JAKMIP3: variants seen among roughly 807,000 people sequenced by gnomAD.
JAKMIP3 encodes the protein janus kinase and microtubule-interacting protein 3.
Under a neutral mutation model 118.5 loss-of-function variants are expected in JAKMIP3, and 58 were observed. The observed-to-expected ratio is 0.49, with a 90% CI of 0.40 to 0.61. The LOEUF (loss-of-function observed/expected upper bound fraction) is 0.61, where lower values mean the gene tolerates loss of function less well. Ranked by LOEUF, JAKMIP3 falls within the 20% of genes least tolerant of loss-of-function variation. The probability of loss-of-function intolerance (pLI) is 0.00; values close to 1 mark genes in which losing one functional copy is unlikely to be tolerated. For synonymous variants in JAKMIP3, 486 were observed against 451.2 expected (o/e 1.08, Z -0.98); for missense variants, 950 against 1,109.0 (o/e 0.86, Z 2.04).
intron 2 of JAKMIP3, among the ~76,000 whole-genome samples, chr10:132,109,879 T>C (rs1416003385): frequency 6.6e-6 from 1 of 152,226 alleles, no homozygotes; most frequent in Non-Finnish European, 1.5e-5. Context: ...TGCATAAGTC[T>C]TGGCCAAGCA....
chr10:132,106,357 T>TAAA (rs531394271), intron 2 of JAKMIP3, among the ~76,000 whole-genome samples: 1 of 126,330 alleles, frequency 7.9e-6, no homozygotes, highest in African/African-American at 3.0e-5. Context: ...AAAAATGATT[T>TAAA]AAAAAAAAAA....
At chr10:132,138,226 C>T (rs778499485) in intron 9 of JAKMIP3, 48 bp downstream of exon 9, 38 of 1,513,012 alleles carry the variant, frequency 2.5e-5, no homozygotes, top group African/African-American at 5.6e-5. Flanking sequence ...CGGGTGTGTG[C>T]GGAGAGGACC....
chr10:132,115,043 G>A (rs372928893), intron 2 of JAKMIP3, among the ~76,000 whole-genome samples: 6 of 152,122 alleles, frequency 3.9e-5, no homozygotes, highest in African/African-American at 9.7e-5. Flanking sequence ...TGCTGTGATC[G>A]GGCGAGGGTG....
At chr10:132,122,434 G>A (rs1246231042) in intron 3 of JAKMIP3, among the ~76,000 whole-genome samples, 1 of 152,274 alleles carries the variant, frequency 6.6e-6, no homozygotes, top group Non-Finnish European at 1.5e-5. Context: ...CATCTCAGGA[G>A]CCCACTGGGC....
rs917398092 is a variant in JAKMIP3 at position 132,183,522 on chromosome 10, C to T, written c.*2269C>T. ...AGTTCTGTAATAATAATAAGGCAAACTATACGGCAAAGAGAAGCATGTAAA... is the reference window on the plus strand; with the variant it reads ...AGTTCTGTAATAATAATAAGGCAAATTATACGGCAAAGAGAAGCATGTAAA... On this transcript the variant is annotated 3_prime_UTR_variant, in exon 24 of 24. Coordinates refer to ENST00000684848, the MANE Select transcript of JAKMIP3 (RefSeq NM_001323087.2). The T allele has an allele frequency of 3.3e-5, 5 of 152,156 alleles. No individual in the cohort carries two copies. Among genetic ancestry groups the T allele is most frequent in the Non-Finnish European group, 5.9e-5 (4 of 68,026 alleles). 9.4% of individuals were successfully genotyped at this position (152,156 alleles called of 1,614,324 possible). A position where few individuals can be genotyped will look rare whatever the true frequency, so the allele number is the denominator to read the frequency against.
At position 132,075,691 on chromosome 10, in the gene JAKMIP3, C is replaced by T. The variant is rs558344759; in HGVS notation, c.-138+9630C>T. Among the ~76,000 whole-genome samples, 25 of 152,304 alleles carry T rather than the reference C, an allele frequency of 1.6e-4. No individual in the cohort carries two copies. In the South Asian group the frequency reaches 5.2e-3, roughly 32 times the overall value. The stretch of plus-strand genomic sequence containing the variant: ...TCCCAAAGTGCTCATGCCTGTAATA[C>T]ACCACGCCCTGCCTCAGATACTTCT... On this transcript the variant is annotated intron_variant, in intron 1 of 23. Coordinates refer to ENST00000684848, the MANE Select transcript of JAKMIP3 (RefSeq NM_001323087.2).
At chr10:132,061,524 TG>T (rs1234161432), upstream of JAKMIP3, among the ~76,000 whole-genome samples, 2 of 152,228 alleles carry the variant, frequency 1.3e-5, no homozygotes, top group African/African-American at 4.8e-5. Flanking sequence ...TTATTGAGCT[TG>T]GCAAGTTGAT....
At chr10:132,036,703 T>A (rs1215980170) in exon 1 of JAKMIP3, among the ~76,000 whole-genome samples, 1 of 150,544 alleles carries the variant, frequency 6.6e-6, no homozygotes, top group Non-Finnish European at 1.5e-5. Context: ...ATCCGGTCCG[T>A]CGGACGCCGC....
intron 19 of JAKMIP3, among the ~76,000 whole-genome samples, chr10:132,157,147 G>A (rs532259226): frequency 2.0e-5 from 3 of 152,234 alleles, no homozygotes; most frequent in East Asian, 1.9e-4. Context: ...TTTTCTTCCC[G>A]TTCCTGTTCT....
chr10:132,085,093 A>T lies in JAKMIP3; in HGVS notation c.-138+19032A>T, dbSNP rs149710240. 2.3e-3 allele frequency among the ~76,000 whole-genome samples: 351 copies of T among 152,178 alleles called. 3 individuals carry two copies. Among genetic ancestry groups the T allele is most frequent in the African/African-American group, 8.2e-3 (341 of 41,442 alleles). On this transcript the variant is annotated intron_variant, in intron 1 of 23. Coordinates refer to ENST00000684848, the MANE Select transcript of JAKMIP3 (RefSeq NM_001323087.2). ...AGGGTGATACTGGCTTCATAGAATGATTTAGAGAGGATTCTCTCTTTCTCT... is the reference window on the plus strand; with the variant it reads ...AGGGTGATACTGGCTTCATAGAATGTTTTAGAGAGGATTCTCTCTTTCTCT...
chr10:132,154,687 G>A (rs2056783731), intron 19 of JAKMIP3, among the ~76,000 whole-genome samples: 1 of 152,076 alleles, frequency 6.6e-6, no homozygotes, highest in Non-Finnish European at 1.5e-5. Flanking sequence ...AGACCTGCTT[G>A]GCTACTCAAA....
At chr10:132,045,006 G>C (rs754817712) in intron 1 of JAKMIP3, among the ~76,000 whole-genome samples, 16 of 152,106 alleles carry the variant, frequency 1.1e-4, no homozygotes, top group Admixed American at 7.2e-4. Context: ...GTGGACACTG[G>C]GGGGCTCCAT....
chr10:132,164,817 C>A, intron 21 of JAKMIP3, 82 bp downstream of exon 21: 2 of 949,198 alleles, frequency 2.1e-6, no homozygotes, highest in Non-Finnish European at 3.4e-6. Flanking sequence ...AGTCACTCAG[C>A]TCCAGGCCGT....
At chr10:132,104,598 C>A in intron 1 of JAKMIP3, 74 bp from the exon 2 acceptor site, 1 of 584,656 alleles carries the variant, frequency 1.7e-6, no homozygotes, top group Non-Finnish European at 3.0e-6. Context: ...GCCCCTGCCC[C>A]GGCACACAAG....
chr10:132,135,844 A>C, intron 5 of JAKMIP3, 86 bp from the exon 6 acceptor site: 1 of 1,418,490 alleles, frequency 7.0e-7, no homozygotes, highest in South Asian at 1.4e-5. Flanking sequence ...TTGCAGCCCA[A>C]GCTGTGGTCA....
intron 1 of JAKMIP3, among the ~76,000 whole-genome samples, chr10:132,091,672 C>A (rs142479831): frequency 0.085 from 12,939 of 152,006 alleles, 1,278 homozygotes; most frequent in African/African-American, 0.24. Context: ...TGTCTCTGCA[C>A]GTGAGATGGG....
intron 1 of JAKMIP3, among the ~76,000 whole-genome samples, chr10:132,041,737 C>T (rs1392279671): frequency 2.0e-5 from 3 of 152,242 alleles, no homozygotes; most frequent in Non-Finnish European, 2.9e-5. Context: ...TTATAGCTGG[C>T]CTGAACTGTC....
At chr10:132,093,378 G>A (rs1221613910) in intron 1 of JAKMIP3, among the ~76,000 whole-genome samples, 4 of 152,196 alleles carry the variant, frequency 2.6e-5, no homozygotes, top group Non-Finnish European at 5.9e-5. Context: ...GTCTACAGAG[G>A]CAGGCAGGCA....
rs776553583 is a variant in JAKMIP3, at chr10:132,180,530, T to TGTGTGTGTGTGTGTGTGTGTGTGTGC, written c.*1104-1812_*1104-1811insTGTGTGTGTGCGTGTGTGTGTGTGTG. Among the ~76,000 whole-genome samples the TGTGTGTGTGTGTGTGTGTGTGTGTGC allele has an allele frequency of 5.6e-4, 18 of 31,946 alleles. 5 individuals are homozygous for TGTGTGTGTGTGTGTGTGTGTGTGTGC. Among genetic ancestry groups the TGTGTGTGTGTGTGTGTGTGTGTGTGC allele is most frequent in the Admixed American group, 9.4e-4 (3 of 3,180 alleles). The allele number at this position is 31,946 out of a possible 152,430, so 21.0% of individuals were successfully genotyped here. On this transcript the variant is annotated intron_variant, in intron 23 of 23. Transcript: ENST00000684848. The stretch of plus-strand genomic sequence containing the variant: ...GCAAACCTGGAAGCAGAACTGTGTG[T>TGTGTGTGTGTGTGTGTGTGTGTGTGC]GTGTGTGTGTGTGTGCGTGCGTGCA...
Sources: gnomAD v4.1 joint callset for allele counts (sites outside exome capture counted in the v4.1 genomes callset) on GRCh38, gnomAD v4.1.1 for gene constraint, MANE v1.5 for transcripts, NCBI Gene and HGNC (gene_info 2026-07-23, HGNC 2026-07-21) for gene names.